Variants in ANKDD1A observed in about 807,000 individuals in gnomAD.
ANKDD1A encodes ankyrin repeat and death domain containing 1A, also known as ankyrin repeat and death domain-containing protein 1A.
A neutral mutation model predicts 63.5 loss-of-function variants in ANKDD1A; 59 were observed. That is an observed-to-expected ratio of 0.93 (90% CI 0.75 to 1.15). The LOEUF (loss-of-function observed/expected upper bound fraction) is 1.15, where lower values mean the gene tolerates loss of function less well. Ranked by LOEUF, ANKDD1A falls within the 50% of genes most tolerant of loss-of-function variation. The pLI is 0.00. For synonymous variants in ANKDD1A, 266 were observed against 263.9 expected (o/e 1.01, Z -0.08); for missense variants, 632 against 656.4 (o/e 0.96, Z 0.41).
At chr15:64,951,830 CCTTCTTATTCTTTCTT>C (rs1356379615) in intron 14 of ANKDD1A, among the ~76,000 whole-genome samples, 4 of 112,694 alleles carry the variant, frequency 3.5e-5, no homozygotes, top group Non-Finnish European at 5.6e-5. Context: ...TCTTCTTCAT[CCTTCTTATTCTTTCTT>C]CTTCTTTCTT....
intron 6 of ANKDD1A, among the ~76,000 whole-genome samples, chr15:64,928,073 C>T (rs1238932836): frequency 1.3e-5 from 2 of 152,222 alleles, no homozygotes; most frequent in African/African-American, 2.4e-5. Context: ...CATCTGAATT[C>T]AGCCTTCTCA....
rs2085364929 is a variant in ANKDD1A at position 64,953,892 on chromosome 15, CT to C, written c.1484-3207del. Among the ~76,000 whole-genome samples the C allele has an allele frequency of 5.6e-5, 4 of 71,530 alleles. No homozygotes were observed. In the South Asian group the frequency reaches 1.5e-3, roughly 27 times the overall value. The allele number at this position is 71,530 out of a possible 152,430, so 46.9% of individuals were successfully genotyped here. On this transcript the variant is annotated intron_variant, in intron 14 of 14. Coordinates refer to ENST00000319580, the MANE Select transcript of ANKDD1A (RefSeq NM_182703.6). ...TTCTTCTTCATTCTTTCTTCTTCCT[CT>C]TTTCTTTCTTCCCTCTTCTTTCTTC...
At chr15:64,952,111 TCTTCTTTCTTCTC>T (rs1172444469) in intron 14 of ANKDD1A, among the ~76,000 whole-genome samples, 33 of 31,386 alleles carry the variant, frequency 1.1e-3, no homozygotes, top group Admixed American at 4.2e-3. Context: ...CTTCTTTTCT[TCTTCTTTCTTCTC>T]TTTCTTCTTC....
intron 6 of ANKDD1A, among the ~76,000 whole-genome samples, chr15:64,928,942 C>T (rs1319396087): frequency 6.6e-6 from 1 of 152,152 alleles, no homozygotes. Flanking sequence ...AAAGCCCTGC[C>T]ACGGTCTCTA....
chr15:64,917,317 G>A, intron 2 of ANKDD1A, 69 bp from the exon 3 acceptor site: 1 of 1,517,610 alleles, frequency 6.6e-7, no homozygotes, highest in Non-Finnish European at 8.9e-7. Context: ...TCCTGGGGGA[G>A]GGTGTGGGAG....
At chr15:64,932,748 TA>T (rs975918573) in intron 8 of ANKDD1A, 1 of 152,066 alleles carries the variant, frequency 6.6e-6, no homozygotes, top group Non-Finnish European at 1.5e-5. Context: ...AATGTTATGC[TA>T]AAAAATATTT....
At chr15:64,940,364 C>G (rs1035265239) in intron 9 of ANKDD1A, among the ~76,000 whole-genome samples, 1 of 151,918 alleles carries the variant, frequency 6.6e-6, no homozygotes, top group African/African-American at 2.4e-5. Flanking sequence ...AGAGGATCCT[C>G]TCCACCATCC....
chr15:64,912,103 A>G (rs2084935733), intron 1 of ANKDD1A, 139 bp downstream of exon 1: 2 of 882,774 alleles, frequency 2.3e-6, no homozygotes, highest in Non-Finnish European at 3.0e-6. Flanking sequence ...TCCGAGCGGA[A>G]TGGTTACCGG....
chr15:64,921,745 T>C (rs1294685221), intron 3 of ANKDD1A, among the ~76,000 whole-genome samples, 176 bp from the exon 4 acceptor site: 2 of 148,564 alleles, frequency 1.3e-5, no homozygotes, highest in African/African-American at 2.6e-5. Flanking sequence ...TACATCAGCC[T>C]CTATTTAAAA....
rs1312867124 is a variant in ANKDD1A at position 64,944,712 on chromosome 15, A to C, written c.1126A>C (p.Ile376Leu). Residue 376 changes from isoleucine (I) to leucine (L), a missense_variant, in exon 12 of 15, where the codon ATC (isoleucine) becomes CTC (leucine). Coordinates refer to ENST00000319580, the MANE Select transcript of ANKDD1A (RefSeq NM_182703.6). ...CAACCATGTCAGCCTGGTGGACATGATCATAAAAGCTGATCGTTTCTACAG... is the reference window on the plus strand; with the variant it reads ...CAACCATGTCAGCCTGGTGGACATGCTCATAAAAGCTGATCGTTTCTACAG... ...RSNHVSLVDM[I>L]IKADRFYRWE... 1.2e-5 allele frequency: 19 copies of C among 1,614,046 alleles called. No individual in the cohort carries two copies. The highest frequency in any genetic ancestry group is 1.5e-5 in the Non-Finnish European group (18 of 1,180,022).
chr15:64,930,575 C>A (rs905438327), intron 6 of ANKDD1A, among the ~76,000 whole-genome samples: 3 of 152,156 alleles, frequency 2.0e-5, no homozygotes, highest in Admixed American at 2.0e-4. Context: ...GAGGAGGGAC[C>A]GGCTTCAGAT....
chr15:64,953,196 T>C, intron 14 of ANKDD1A, among the ~76,000 whole-genome samples: 1 of 98,942 alleles, frequency 1.0e-5, no homozygotes, highest in African/African-American at 3.3e-5. Flanking sequence ...TTCCTCTTCT[T>C]ATTCTTTCTT....
intron 14 of ANKDD1A, among the ~76,000 whole-genome samples, chr15:64,951,720 C>CGTTCTT (rs1276132353): frequency 5.9e-5 from 8 of 136,248 alleles, no homozygotes; most frequent in South Asian, 4.6e-4. Context: ...TCTTTTTCTT[C>CGTTCTT]CCTTTTCTTC....
At chr15:64,919,377 C>G (rs2084992733) in intron 3 of ANKDD1A, among the ~76,000 whole-genome samples, 1 of 152,250 alleles carries the variant, frequency 6.6e-6, no homozygotes, top group Admixed American at 6.5e-5. Context: ...AGCTCTGAAC[C>G]AGTGCCAGGT....
intron 14 of ANKDD1A, chr15:64,950,918 A>T: frequency 7.9e-7 from 1 of 1,261,452 alleles, no homozygotes. Context: ...GGCAGAGCTT[A>T]GGCAACAGAG....
chr15:64,953,247 C>T (rs1043750310), intron 14 of ANKDD1A, among the ~76,000 whole-genome samples: 6 of 147,600 alleles, frequency 4.1e-5, no homozygotes, highest in Non-Finnish European at 9.0e-5. Flanking sequence ...CTTCTTTCCT[C>T]CTCTTTCTTC....
At chr15:64,953,854 C>CTCTTTTCTT (rs1491210404) in intron 14 of ANKDD1A, among the ~76,000 whole-genome samples, 1 of 89,494 alleles carries the variant, frequency 1.1e-5, no homozygotes, top group Admixed American at 1.4e-4. Context: ...TTCTTCTTTC[C>CTCTTTTCTT]TCTTCTTCCT....
At chr15:64,929,915 T>C (rs138074831) in intron 6 of ANKDD1A, among the ~76,000 whole-genome samples, 30 of 152,112 alleles carry the variant, frequency 2.0e-4, no homozygotes, top group African/African-American at 7.2e-4. Flanking sequence ...TATGCAGCCA[T>C]AAAAAGGAAT....
At chr15:64,950,264 C>A (rs34929860) in intron 14 of ANKDD1A, 539,162 of 985,070 alleles carry the variant, frequency 0.55, 149,457 homozygotes, top group East Asian at 0.85. Context: ...CCCTCTATAC[C>A]TTGACATTTT....
Sources: gnomAD v4.1 joint callset for allele counts (sites outside exome capture counted in the v4.1 genomes callset) on GRCh38, gnomAD v4.1.1 for gene constraint, MANE v1.5 for transcripts, NCBI Gene and HGNC (gene_info 2026-07-23, HGNC 2026-07-21) for gene names.